Variants in ITPK1 observed in about 807,000 individuals in gnomAD.
ITPK1 encodes the protein inositol-tetrakisphosphate 1-kinase.
Under a neutral mutation model 45.3 loss-of-function variants are expected in ITPK1, and 21 were observed. The observed-to-expected ratio is 0.46, with a 90% confidence interval of 0.33 to 0.67. ITPK1 has a LOEUF of 0.67. Among genes scored for constraint, ITPK1 ranks in the 30% least tolerant of loss-of-function variants. ITPK1 has a pLI of 0.02. For missense variants in ITPK1, 474 were observed against 573.5 expected, an observed-to-expected ratio of 0.83 and a Z score of 1.77; for synonymous variants, 258 against 253.6, an observed-to-expected ratio of 1.02 and a Z score of -0.16.
intron 5 of ITPK1, among the ~76,000 whole-genome samples, chr14:92,974,686 G>A (rs1885842578): frequency 6.6e-6 from 1 of 152,254 alleles, no homozygotes; most frequent in Admixed American, 6.5e-5. Flanking sequence ...GTGGGACAAG[G>A]GAGGAGAGAA....
intron 3 of ITPK1, among the ~76,000 whole-genome samples, chr14:93,020,260 G>A (rs1264275055): frequency 1.3e-5 from 2 of 152,180 alleles, no homozygotes; most frequent in Non-Finnish European, 2.9e-5. Flanking sequence ...TAACCCAATC[G>A]TACCCAGCCT....
intron 5 of ITPK1, among the ~76,000 whole-genome samples, chr14:92,977,576 A>T (rs1398727163): frequency 6.7e-6 from 1 of 149,492 alleles, no homozygotes; most frequent in Non-Finnish European, 1.5e-5. Context: ...AGGTGACTAG[A>T]TCATGGGGGT....
chr14:93,039,326 C>G (rs1456525678), intron 3 of ITPK1, among the ~76,000 whole-genome samples: 3 of 152,178 alleles, frequency 2.0e-5, no homozygotes. Context: ...TCAACCTTCT[C>G]TCAATCCATG....
rs1566772529 is a variant in ITPK1, at chr14:93,076,424, T to C, written c.120+171A>G. The stretch of plus-strand genomic sequence containing the variant: ...AACCCGAGAAGCCCCTGTCGGAGTC[T>C]GCCCAGGCCAGGGCAGAAACCACAT... On this transcript the variant is annotated intron_variant, in intron 3 of 10. Transcript: ENST00000267615. The surrounding 1 kb of genome is among the most constrained non-coding windows in gnomAD (Gnocchi z 4.3). 6.6e-6 allele frequency among the ~76,000 whole-genome samples: 1 copy of C among 151,986 alleles called. No individual in the cohort carries two copies. Among genetic ancestry groups the C allele is most frequent in the Non-Finnish European group, 1.5e-5 (1 of 68,016 alleles).
chr14:93,115,557 G>T (rs895585573), intron 1 of ITPK1, among the ~76,000 whole-genome samples: 3 of 149,768 alleles, frequency 2.0e-5, no homozygotes, highest in African/African-American at 7.3e-5. Context: ...CCGGGCCTCC[G>T]CAGACACCGC....
chr14:92,971,828 C>T (rs1005558052), intron 5 of ITPK1, among the ~76,000 whole-genome samples: 22 of 152,210 alleles, frequency 1.4e-4, no homozygotes, highest in African/African-American at 5.3e-4. Flanking sequence ...CCATGAGGGG[C>T]ATTCGGAATG....
intron 5 of ITPK1, among the ~76,000 whole-genome samples, chr14:92,992,974 T>G (rs1179812541): frequency 1.3e-5 from 2 of 152,250 alleles, no homozygotes; most frequent in Admixed American, 6.5e-5. Flanking sequence ...CAGACTCCCA[T>G]GCAGATGGTC....
chr14:92,973,761 C>CAGG (rs941282539), intron 5 of ITPK1, among the ~76,000 whole-genome samples: 2 of 152,188 alleles, frequency 1.3e-5, no homozygotes, highest in African/African-American at 4.8e-5. Context: ...AGGCCTGAGC[C>CAGG]AGGAGGGGGA....
intron 5 of ITPK1, among the ~76,000 whole-genome samples, chr14:92,981,434 T>C (rs1886223310): frequency 1.3e-5 from 2 of 152,130 alleles, no homozygotes; most frequent in African/African-American, 2.4e-5. Context: ...CTTCCTCTAA[T>C]TGAGCCCAGT....
intron 5 of ITPK1, among the ~76,000 whole-genome samples, chr14:92,990,405 CCT>C (rs1302661661): frequency 6.6e-6 from 1 of 152,148 alleles, no homozygotes; most frequent in Non-Finnish European, 1.5e-5. Context: ...GGTCCCAGCC[CCT>C]GTGCCCGTGC....
In ITPK1 at chr14:93,016,604, C is replaced by A; in HGVS notation, c.246+72G>T. On this transcript the variant is annotated intron_variant, in intron 4 of 10. Coordinates refer to ENST00000267615, the MANE Select transcript of ITPK1 (RefSeq NM_014216.6). This position sits in a 1 kb window ranked among gnomAD's most constrained non-coding sequence, Gnocchi z 5.0. ...GAGCTGCTACCGCCCTAAATACACA[C>A]ACGGCCATTCCAGGGCCTCCCCTCC... 6.4e-7 allele frequency: 1 copy of A among 1,551,472 alleles called. No individual in the cohort carries two copies. The highest frequency in any genetic ancestry group is 1.4e-5 in the African/African-American group (1 of 73,824).
chr14:92,991,438 C>G lies in ITPK1; in HGVS notation c.364+2442G>C, dbSNP rs146255844. On this transcript the variant is annotated intron_variant, in intron 5 of 10. Coordinates refer to ENST00000267615, the MANE Select transcript of ITPK1 (RefSeq NM_014216.6). ...CACCCACCCTACACTTCCTGCTGAT[C>G]TAGAACCAAGCATGCGTTAGGGTTT... 8.0e-3 allele frequency among the ~76,000 whole-genome samples: 1,217 copies of G among 152,208 alleles called. 18 individuals carry two copies. The highest frequency in any genetic ancestry group is 0.028 in the African/African-American group (1,162 of 41,524).
chr14:93,065,942 A>C (rs570346920), intron 3 of ITPK1, among the ~76,000 whole-genome samples: 1 of 152,360 alleles, frequency 6.6e-6, no homozygotes, highest in South Asian at 2.1e-4. Context: ...AAAACTAGGG[A>C]CACAGAAAAG....
intron 2 of ITPK1, among the ~76,000 whole-genome samples, chr14:93,105,343 C>T (rs1892478382): frequency 6.6e-6 from 1 of 152,164 alleles, no homozygotes; most frequent in African/African-American, 2.4e-5. Flanking sequence ...CCACGCCTGA[C>T]AGTTTTGGGG....
chr14:93,035,470 C>T (rs1410225670), intron 3 of ITPK1, among the ~76,000 whole-genome samples: 2 of 152,204 alleles, frequency 1.3e-5, no homozygotes, highest in Non-Finnish European at 2.9e-5. Flanking sequence ...TGCACATGTA[C>T]ACCAGAGAGC....
At chr14:93,102,917 G>A (rs796305428) in intron 2 of ITPK1, among the ~76,000 whole-genome samples, 140 of 151,450 alleles carry the variant, frequency 9.2e-4, no homozygotes, top group African/African-American at 3.0e-3. Flanking sequence ...TGGCTAACAC[G>A]GTGAAACCCT....
chr14:92,940,379 G>T lies in ITPK1; in HGVS notation c.*1182C>A. On this transcript the variant is annotated 3_prime_UTR_variant, in exon 11 of 11. Coordinates refer to ENST00000267615, the MANE Select transcript of ITPK1 (RefSeq NM_014216.6). ...TGCAGAGGGGGCTGCCTGGATCAGGGGTCAGACGGCAGAGCCAGTGCTTTG... is the reference window on the plus strand; with the variant it reads ...TGCAGAGGGGGCTGCCTGGATCAGGTGTCAGACGGCAGAGCCAGTGCTTTG... 2 of 1,017,680 alleles carry T rather than the reference G, an allele frequency of 2.0e-6. No homozygotes were observed. Among genetic ancestry groups the T allele is most frequent in the South Asian group, 7.4e-5 (2 of 27,092 alleles). 63.0% of individuals were successfully genotyped at this position (1,017,680 alleles called of 1,614,324 possible).
At position 93,083,438 on chromosome 14, in the gene ITPK1, A is replaced by G. The variant is rs182450305; in HGVS notation, c.96-6819T>C. On this transcript the variant is annotated intron_variant, in intron 2 of 10. Transcript: ENST00000267615. ...CTGAGCGCTGCAGCAAGTGAAGTAC[A>G]TGAAATGGTGAAGAAGCAAGGGAGG... is the stretch of plus-strand genomic sequence containing the variant. 3.2e-3 allele frequency among the ~76,000 whole-genome samples: 484 copies of G among 152,288 alleles called. 3 individuals carry two copies. The highest frequency in any genetic ancestry group is 6.1e-3 in the Admixed American group (94 of 15,308).
At chr14:93,066,314 G>GTGT (rs1204129749) in intron 3 of ITPK1, 1 of 448,238 alleles carries the variant, frequency 2.2e-6, no homozygotes, top group Non-Finnish European at 4.4e-6. Context: ...GCATGTGTGT[G>GTGT]TGTGTATGTG....
Sources: gnomAD v4.1 joint callset for allele counts (sites outside exome capture counted in the v4.1 genomes callset) on GRCh38, gnomAD v4.1.1 for gene constraint, Gnocchi (gnomAD v3.1) non-coding constraint, MANE v1.5 for transcripts, NCBI Gene and HGNC (gene_info 2026-07-23, HGNC 2026-07-21) for gene names.